PITPNM3: variants seen among roughly 807,000 people sequenced by gnomAD.
PITPNM3 encodes PITPNM family member 3, also known as membrane-associated phosphatidylinositol transfer protein 3.
Under a neutral mutation model 102.0 loss-of-function variants are expected in PITPNM3, and 26 were observed. That is an observed-to-expected ratio of 0.25 (90% CI 0.19 to 0.35). The LOEUF is 0.35. PITPNM3 is among the 10% of genes least tolerant of loss of function. The pLI, the probability that PITPNM3 is intolerant of heterozygous loss-of-function variation, is 1.00. For synonymous variants in PITPNM3, 578 were observed against 558.6 expected (o/e 1.03, Z -0.49); for missense variants, 1,083 against 1,346.1 (o/e 0.80, Z 3.06).
At chr17:6,507,582 T>A (rs368072287) in intron 3 of PITPNM3, among the ~76,000 whole-genome samples, 1 of 148,112 alleles carries the variant, frequency 6.8e-6, no homozygotes, top group Admixed American at 6.7e-5. Context: ...AGACTCCATT[T>A]AAAAAAAAAA....
At position 6,451,886 on chromosome 17, in the gene PITPNM3, G is replaced by GCCC. The variant is rs70956759; in HGVS notation, c.*3449_*3451dup. On this transcript the variant is annotated 3_prime_UTR_variant, in exon 20 of 20. Transcript: ENST00000262483. ...CTTGGCACCCAAACCCCCCCCCCCC[G>GCCC]CCCGCCGATGGGATTCGGTGGGAAA... 1.3e-5 allele frequency: 1 copy of GCCC among 76,918 alleles called. No individual in the cohort carries two copies. Among genetic ancestry groups the GCCC allele is most frequent in the African/African-American group, 6.4e-5 (1 of 15,610 alleles). The allele number at this position is 76,918 out of a possible 1,614,324, so 4.8% of individuals were successfully genotyped here.
rs1464369930 is a variant in PITPNM3, at chr17:6,453,134, T to C, written c.*2204A>G. On this transcript the variant is annotated 3_prime_UTR_variant, in exon 20 of 20. Transcript: ENST00000262483. ...CTCTCTTTCTCTCTCCCTCTCTCTC[T>C]CTCTCTCTCCCTCTCTCTCTTTCTC... is the stretch of plus-strand genomic sequence containing the variant. 7.0e-6 allele frequency: 1 copy of C among 142,622 alleles called. No individual in the cohort carries two copies. The highest frequency in any genetic ancestry group is 3.0e-5 in the African/African-American group (1 of 32,788). 8.8% of individuals were successfully genotyped at this position (142,622 alleles called of 1,614,324 possible). A position where few individuals can be genotyped will look rare whatever the true frequency, so the allele number is the denominator to read the frequency against.
chr17:6,508,143 G>A (rs1907653297), intron 3 of PITPNM3, among the ~76,000 whole-genome samples: 1 of 152,158 alleles, frequency 6.6e-6, no homozygotes, highest in Non-Finnish European at 1.5e-5. Flanking sequence ...AGGCCAGGAG[G>A]TGAGTGTCCT....
At chr17:6,525,538 A>G in intron 2 of PITPNM3, 75 bp from the exon 3 acceptor site, 3 of 1,086,068 alleles carry the variant, frequency 2.8e-6, no homozygotes, top group Non-Finnish European at 4.3e-6. Flanking sequence ...CTTATGTCTG[A>G]GGGACATTTT....
At chr17:6,497,865 G>A (rs1906929470) in intron 4 of PITPNM3, among the ~76,000 whole-genome samples, 1 of 152,208 alleles carries the variant, frequency 6.6e-6, no homozygotes, top group Non-Finnish European at 1.5e-5. Flanking sequence ...GTGGGGCAGA[G>A]GGAGGCTCCT....
intron 4 of PITPNM3, among the ~76,000 whole-genome samples, chr17:6,487,850 G>A (rs1341331217): frequency 6.6e-6 from 1 of 152,200 alleles, no homozygotes; most frequent in Non-Finnish European, 1.5e-5. Flanking sequence ...CCGTGGGGAT[G>A]GGAGCCTCAG....
chr17:6,457,708 G>A lies in PITPNM3; in HGVS notation c.2505C>T (p.Ile835=). The part of the protein sequence containing the change: ...RNLMQECFIK[I]SAAYGSTKDI... Reference sequence around the variant, plus strand: ...CCTTCGTGGAGCCATAGGCCGCACTGATTTTGATGAAGCACTGAAACACAG... The same window carrying A: ...CCTTCGTGGAGCCATAGGCCGCACTAATTTTGATGAAGCACTGAAACACAG... Residue 835 remains isoleucine, a synonymous_variant, in exon 19 of 20, where the codon ATC becomes ATT. Transcript: ENST00000262483. This position sits in a 1 kb window ranked among gnomAD's most constrained non-coding sequence, Gnocchi z 4.7. 1 of 1,589,432 alleles carries A rather than the reference G, an allele frequency of 6.3e-7. No individual in the cohort carries two copies. Among genetic ancestry groups the A allele is most frequent in the East Asian group, 2.3e-5 (1 of 43,874 alleles).
Position 6,556,387 on chromosome 17 carries a change from G to T in PITPNM3, c.20C>A (p.Ala7Glu). Residue 7 changes from alanine (A) to glutamate (E), a missense_variant and splice_region_variant, in exon 1 of 20, where the codon GCA (alanine) becomes GAA (glutamate). Ala to Glu is a moderately radical substitution (Grantham distance 107, BLOSUM62 -1). Coordinates refer to ENST00000262483, the MANE Select transcript of PITPNM3 (RefSeq NM_031220.4). This position sits in a 1 kb window ranked among gnomAD's most constrained non-coding sequence, Gnocchi z 5.2. ...GCCCTCCCCGCGCCCGCCCTCACCT[G>T]CACGGCCCGCCTTGGCCATGTCCCG... MAKAGR[A>E]GGPPPGGGAP... The T allele has an allele frequency of 1.5e-6, 2 of 1,376,006 alleles. No individual in the cohort carries two copies. Among genetic ancestry groups the T allele is most frequent in the South Asian group, 1.6e-5 (1 of 63,880 alleles). The allele number at this position is 1,376,006 out of a possible 1,614,324, so 85.2% of individuals were successfully genotyped here.
intron 3 of PITPNM3, among the ~76,000 whole-genome samples, chr17:6,515,901 C>A (rs1908140044): frequency 6.6e-6 from 1 of 152,150 alleles, no homozygotes; most frequent in Non-Finnish European, 1.5e-5. Flanking sequence ...AAACCCCAGG[C>A]CTGGCACAGT....
rs780806842 is a variant in PITPNM3, at chr17:6,478,489, C to A, written c.777+58G>T. ...GCCCTTTCAGTAGATTCCAGCCTCT[C>A]TCCCAGGCCGGGGCCGGAACAGGGG... On this transcript the variant is annotated intron_variant, in intron 7 of 19. Transcript: ENST00000262483. The surrounding 1 kb of genome is among the most constrained non-coding windows in gnomAD (Gnocchi z 4.4). 1 of 1,594,504 alleles carries A rather than the reference C, an allele frequency of 6.3e-7. No individual in the cohort carries two copies. Among genetic ancestry groups the A allele is most frequent in the Non-Finnish European group, 8.6e-7 (1 of 1,164,872 alleles).
At chr17:6,474,160 G>A (rs1404228211) in intron 10 of PITPNM3, among the ~76,000 whole-genome samples, 1 of 152,014 alleles carries the variant, frequency 6.6e-6, no homozygotes, top group Non-Finnish European at 1.5e-5. Context: ...CATAGGGCGT[G>A]ACCACCGGAC....
intron 3 of PITPNM3, among the ~76,000 whole-genome samples, chr17:6,523,007 T>C (rs1360700852): frequency 6.6e-6 from 1 of 152,150 alleles, no homozygotes; most frequent in African/African-American, 2.4e-5. Flanking sequence ...GGAATTCACA[T>C]TATGAATTCA....
rs1914177924 is a variant in PITPNM3 at position 6,457,900 on chromosome 17, C to T, written c.2491-178G>A. Among the ~76,000 whole-genome samples the T allele has an allele frequency of 6.6e-6, 1 of 151,494 alleles. No homozygotes were observed. Among genetic ancestry groups the T allele is most frequent in the Admixed American group, 6.6e-5 (1 of 15,232 alleles). On this transcript the variant is annotated intron_variant, in intron 18 of 19. Coordinates refer to ENST00000262483, the MANE Select transcript of PITPNM3 (RefSeq NM_031220.4). The surrounding 1 kb of genome is among the most constrained non-coding windows in gnomAD (Gnocchi z 4.7). ...CCCTCAGAGTGGCTGCCCCTCCCTG[C>T]ACCCCAGGCCCAACCCAGGTCTCTG...
rs1904885723 is a variant in PITPNM3 at position 6,468,263 on chromosome 17, C to T, written c.1852G>A (p.Glu618Lys). 1 of 1,613,844 alleles carries T rather than the reference C, an allele frequency of 6.2e-7. No homozygotes were observed. The highest frequency in any genetic ancestry group is 1.1e-5 in the South Asian group (1 of 91,066). ...PAALSPANPREKWLRKRTQVK... is the reference protein window; with the variant it reads ...PAALSPANPRKKWLRKRTQVK... Reference sequence around the variant, plus strand: ...TGAGTCCGCTTACGAAGCCACTTCTCCCGGGGGTTGGCAGGACTCAGTGCT... The same window carrying T: ...TGAGTCCGCTTACGAAGCCACTTCTTCCGGGGGTTGGCAGGACTCAGTGCT... Residue 618 changes from glutamate (E) to lysine (K), a missense_variant, in exon 14 of 20, where the codon GAG becomes AAG. This residue lies in a region of PITPNM3 where 410 missense variants were observed against 638.4 expected (regional missense o/e 0.64). Coordinates refer to ENST00000262483, the MANE Select transcript of PITPNM3 (RefSeq NM_031220.4). This position sits in a 1 kb window ranked among gnomAD's most constrained non-coding sequence, Gnocchi z 5.2.
intron 6 of PITPNM3, 101 bp downstream of exon 6, chr17:6,483,416 C>T: frequency 1.7e-6 from 2 of 1,157,544 alleles, no homozygotes; most frequent in East Asian, 2.6e-5. Context: ...AGAGTCCTTG[C>T]AGGTACCCAC....
intron 11 of PITPNM3, 104 bp from the exon 12 acceptor site, chr17:6,471,459 T>C (rs9902425): frequency 0.35 from 407,651 of 1,149,646 alleles, 75,499 homozygotes; most frequent in Middle Eastern, 0.42. Context: ...CTTGGAGGAG[T>C]CAGCCCCGGC....
Position 6,455,542 on chromosome 17 carries a change from G to A in PITPNM3, c.2721C>T (p.Ser907=), listed in dbSNP as rs771317146. The A allele has an allele frequency of 2.5e-6, 4 of 1,604,316 alleles. No homozygotes were observed. The South Asian group carries it at 3.3e-5, about 13-fold the overall frequency. Residue 907 remains serine, a synonymous_variant, in exon 20 of 20, where the codon AGC becomes AGT. Coordinates refer to ENST00000262483, the MANE Select transcript of PITPNM3 (RefSeq NM_031220.4). ...NNSRMILRKG[S]FGLHAQPEFL... is the part of the protein sequence containing the mutation. ...ACTCTGGCTGCGCGTGCAGCCCGAA[G>A]CTGCCCTTGCGCAGGATCATGCGCG... is the stretch of plus-strand genomic sequence containing the variant.
chr17:6,513,387 C>T (rs1021947340), intron 3 of PITPNM3, among the ~76,000 whole-genome samples: 1 of 152,034 alleles, frequency 6.6e-6, no homozygotes, highest in Non-Finnish European at 1.5e-5. Flanking sequence ...ACGATGTAAT[C>T]CTATGCATAG....
chr17:6,503,621 C>G, intron 3 of PITPNM3, 47 bp from the exon 4 acceptor site: 8 of 1,587,490 alleles, frequency 5.0e-6, no homozygotes, highest in Non-Finnish European at 6.8e-6. Flanking sequence ...ACACTGTTGC[C>G]AGGCACTGTG....
Sources: allele counts gnomAD v4.1 joint callset (sites outside exome capture counted in the v4.1 genomes callset), GRCh38; gene constraint gnomAD v4.1.1; regional missense constraint gnomAD v4.1.1; non-coding constraint Gnocchi (gnomAD v3.1); transcripts MANE v1.5; gene names NCBI Gene and HGNC (gene_info 2026-07-23, HGNC 2026-07-21).